INSR: variants seen among roughly 807,000 people sequenced by gnomAD.
INSR encodes the protein IR.
Under a neutral mutation model 142.6 loss-of-function variants are expected in INSR, and 67 were observed. The ratio of observed to expected loss-of-function variants is 0.47; its 90% CI spans 0.39 to 0.58. The LOEUF is 0.58. INSR is among the 20% of genes least tolerant of loss of function. The pLI, the probability that INSR is intolerant of heterozygous loss-of-function variation, is 0.00. For synonymous variants in INSR, 756 were observed against 743.1 expected (o/e 1.02, Z -0.28); for missense variants, 1,248 against 1,833.2 (o/e 0.68, Z 5.83).
intron 11 of INSR, among the ~76,000 whole-genome samples, chr19:7,149,473 C>CT (rs1973267950): frequency 6.6e-6 from 1 of 152,186 alleles, no homozygotes; most frequent in Admixed American, 6.6e-5. Flanking sequence ...GTTCTCCAAG[C>CT]TTTTTCTCTC....
At position 7,170,770 on chromosome 19, in the gene INSR, C is replaced by T. The variant is rs573521166; in HGVS notation, c.1269-19G>A. Reference sequence around the variant, plus strand: ...GTAGTTCCTATGGAAAAAACACACACATCTAGTCATTCAACGGCTGGTCTT... The same window carrying T: ...GTAGTTCCTATGGAAAAAACACACATATCTAGTCATTCAACGGCTGGTCTT... On this transcript the variant is annotated intron_variant, in intron 5 of 21. Coordinates refer to ENST00000302850, the MANE Select transcript of INSR (RefSeq NM_000208.4). The T allele has an allele frequency of 5.1e-6, 8 of 1,579,840 alleles. No homozygotes were observed. The highest frequency in any genetic ancestry group is 1.7e-4 in the Middle Eastern group (1 of 5,968).
intron 2 of INSR, among the ~76,000 whole-genome samples, chr19:7,197,100 A>G (rs187737559): frequency 6.6e-6 from 1 of 152,342 alleles, no homozygotes; most frequent in Non-Finnish European, 1.5e-5. Flanking sequence ...AACTTTTGAC[A>G]GCTTCGTGGT....
At chr19:7,246,057 A>G (rs1976529087) in intron 2 of INSR, among the ~76,000 whole-genome samples, 1 of 152,160 alleles carries the variant, frequency 6.6e-6, no homozygotes. Flanking sequence ...TGAGCTCCAA[A>G]TTCTGATTAA....
At chr19:7,288,532 G>A (rs1330918125) in intron 1 of INSR, among the ~76,000 whole-genome samples, 1 of 151,928 alleles carries the variant, frequency 6.6e-6, no homozygotes, top group Non-Finnish European at 1.5e-5. Flanking sequence ...CCAGCTACTT[G>A]GGGAACCTAG....
At chr19:7,190,595 C>T (rs1041842546) in intron 2 of INSR, among the ~76,000 whole-genome samples, 3 of 152,100 alleles carry the variant, frequency 2.0e-5, no homozygotes, top group Non-Finnish European at 1.5e-5. Flanking sequence ...TGGTCTTGAA[C>T]TCCTGACCTC....
Position 7,170,558 on chromosome 19 carries a change from T to C in INSR, c.1462A>G (p.Thr488Ala). ...RQERNDIALK[T>A]NGDQASCENE... ...TTACAGGATGCCTGGTCCCCATTGGTCTTCAGGGCAATGTCGTTTCTCTCC... is the reference window on the plus strand; with the variant it reads ...TTACAGGATGCCTGGTCCCCATTGGCCTTCAGGGCAATGTCGTTTCTCTCC... The change falls in exon 6 of 22, where the codon ACC (threonine) becomes GCC (alanine). Residue 488 changes from threonine to alanine, a missense_variant. Physicochemically the swap from Thr to Ala is moderately conservative, Grantham distance 58. Transcript: ENST00000302850. The C allele has an allele frequency of 6.2e-7, 1 of 1,612,904 alleles. No homozygotes were observed. Among genetic ancestry groups the C allele is most frequent in the Non-Finnish European group, 8.5e-7 (1 of 1,179,782 alleles).
At chr19:7,286,490 C>T (rs554439219) in intron 1 of INSR, among the ~76,000 whole-genome samples, 2 of 147,522 alleles carry the variant, frequency 1.4e-5, no homozygotes, top group African/African-American at 2.5e-5. Context: ...TGGGCTCAAG[C>T]GATCCTCCCA....
intron 2 of INSR, among the ~76,000 whole-genome samples, chr19:7,245,580 C>T (rs1976516051): frequency 6.6e-6 from 1 of 152,088 alleles, no homozygotes; most frequent in Non-Finnish European, 1.5e-5. Flanking sequence ...TCCCAAGTAG[C>T]TGGGACTACA....
chr19:7,240,854 A>G (rs1049242942), intron 2 of INSR, among the ~76,000 whole-genome samples: 5 of 152,216 alleles, frequency 3.3e-5, no homozygotes, highest in African/African-American at 1.2e-4. Context: ...TACATGAAAC[A>G]TAAATGAATT....
Position 7,230,250 on chromosome 19 carries a change from G to A in INSR, c.652+37095C>T, listed in dbSNP as rs79902393. Among the ~76,000 whole-genome samples the A allele has an allele frequency of 9.4e-3, 1,429 of 152,292 alleles. 54 individuals carry two copies. In the East Asian group the frequency reaches 0.13, roughly 14 times the overall value. ...TAAGCAGTTAAAGGGATGGGACTCAGTAATTGATCAGGTGTAGCAATGAGG... is the reference window on the plus strand; with the variant it reads ...TAAGCAGTTAAAGGGATGGGACTCAATAATTGATCAGGTGTAGCAATGAGG... On this transcript the variant is annotated intron_variant, in intron 2 of 21. Coordinates refer to ENST00000302850, the MANE Select transcript of INSR (RefSeq NM_000208.4).
intron 1 of INSR, among the ~76,000 whole-genome samples, chr19:7,281,823 C>CCACAAAGG (rs1234073633): frequency 6.6e-6 from 1 of 152,118 alleles, no homozygotes; most frequent in East Asian, 1.9e-4. Context: ...TTCCACATTC[C>CCACAAAGG]CACAAAGGCA....
At chr19:7,288,954 A>G (rs1249513703) in intron 1 of INSR, among the ~76,000 whole-genome samples, 1 of 148,876 alleles carries the variant, frequency 6.7e-6, no homozygotes, top group African/African-American at 2.5e-5. Flanking sequence ...AGAAGTGAAA[A>G]AAAAAAAAAA....
In INSR at chr19:7,120,632, G is replaced by A. The variant is rs757264298; in HGVS notation, c.3647C>T (p.Ser1216Phe). 9 of 1,614,134 alleles carry A rather than the reference G, an allele frequency of 5.6e-6. No homozygotes were observed. Among genetic ancestry groups the A allele is most frequent in the Admixed American group, 1.7e-5 (1 of 60,028 alleles). ...ACACACAACTCACCACATGTCAGAAGAAGTGGTGAAGACCCCATCCTTCAG... is the reference window on the plus strand; with the variant it reads ...ACACACAACTCACCACATGTCAGAAAAAGTGGTGAAGACCCCATCCTTCAG... ...ESLKDGVFTT[S>F]SDMWSFGVVL... The change falls in exon 20 of 22, where the codon TCT becomes TTT. Residue 1216 changes from serine to phenylalanine, a missense_variant. Around this residue, in one of 3 missense-constraint regions of INSR, gnomAD observed 1,069 missense variants for 1,654.0 expected, o/e 0.65. Transcript: ENST00000302850.
chr19:7,285,664 T>A (rs957081242), intron 1 of INSR, among the ~76,000 whole-genome samples: 6 of 152,064 alleles, frequency 3.9e-5, no homozygotes, highest in African/African-American at 1.4e-4. Flanking sequence ...TTTTAAATTT[T>A]AAAAAGAAAA....
intron 2 of INSR, among the ~76,000 whole-genome samples, chr19:7,237,983 G>A (rs1020409115): frequency 3.3e-5 from 5 of 151,630 alleles, no homozygotes; most frequent in Admixed American, 6.6e-5. Flanking sequence ...GAAGAAAAAG[G>A]CAAAAAAGGG....
chr19:7,189,184 A>G (rs986805037), intron 2 of INSR, among the ~76,000 whole-genome samples: 2 of 152,166 alleles, frequency 1.3e-5, no homozygotes, highest in African/African-American at 4.8e-5. Flanking sequence ...AAACACACAC[A>G]CAAGAGGAAG....
intron 7 of INSR, among the ~76,000 whole-genome samples, chr19:7,167,258 A>G (rs1439867428): frequency 6.6e-6 from 1 of 152,144 alleles, no homozygotes; most frequent in Non-Finnish European, 1.5e-5. Flanking sequence ...GCACAAGGTA[A>G]ATCTTGAGGG....
intron 15 of INSR, among the ~76,000 whole-genome samples, chr19:7,127,258 G>A (rs1181485775): frequency 6.6e-6 from 1 of 152,116 alleles, no homozygotes; most frequent in Admixed American, 6.6e-5. Context: ...CACTCACCCA[G>A]TACTGTTCTA....
Position 7,125,169 on chromosome 19 carries a change from AG to A in INSR, c.3258+113del. ...CTAGGATGGGAAGCTTAGTGGAGTG[AG>A]GGGTGGGTAGGAGGTTACACCCTGT... On this transcript the variant is annotated intron_variant, in intron 17 of 21. Coordinates refer to ENST00000302850, the MANE Select transcript of INSR (RefSeq NM_000208.4). The surrounding 1 kb of genome is among the most constrained non-coding windows in gnomAD (Gnocchi z 4.9). 8.0e-7 allele frequency: 1 copy of A among 1,254,966 alleles called. No individual in the cohort carries two copies. 77.7% of individuals were successfully genotyped at this position (1,254,966 alleles called of 1,614,324 possible). A position where few individuals can be genotyped will look rare whatever the true frequency, so the allele number is the denominator to read the frequency against.
Sources: gnomAD v4.1 joint callset for allele counts (sites outside exome capture counted in the v4.1 genomes callset) on GRCh38, gnomAD v4.1.1 for gene constraint, gnomAD v4.1.1 regional missense constraint, Gnocchi (gnomAD v3.1) non-coding constraint, MANE v1.5 for transcripts, NCBI Gene and HGNC (gene_info 2026-07-23, HGNC 2026-07-21) for gene names.